Variants in PRSS55 observed in about 807,000 individuals in gnomAD.
PRSS55 encodes serine protease 55, also known as probable serine protease UNQ9391/PRO34284.
A neutral mutation model predicts 23.6 loss-of-function variants in PRSS55; 41 were observed. That is an observed-to-expected ratio of 1.74 (90% CI 1.35 to 2.26). PRSS55 has a LOEUF of 2.26. Among genes scored for constraint, PRSS55 ranks in the 30% most tolerant of loss-of-function variants. The pLI, the probability that PRSS55 is intolerant of heterozygous loss-of-function variation, is 0.00. For synonymous variants in PRSS55, 262 were observed against 175.5 expected (o/e 1.49, Z -3.90); for missense variants, 669 against 439.1 (o/e 1.52, Z -4.68).
At chr8:10,531,995 G>A (rs916014300) in intron 3 of PRSS55, among the ~76,000 whole-genome samples, 1 of 152,102 alleles carries the variant, frequency 6.6e-6, no homozygotes, top group Non-Finnish European at 1.5e-5. Flanking sequence ...CTGTTACTTG[G>A]CCAAAACAGA....
intron 4 of PRSS55, among the ~76,000 whole-genome samples, chr8:10,547,149 A>G (rs1462622637): frequency 6.6e-6 from 1 of 152,086 alleles, no homozygotes; most frequent in African/African-American, 2.4e-5. Flanking sequence ...GCTCCTATTT[A>G]TAGCTCCGCA....
intron 4 of PRSS55, among the ~76,000 whole-genome samples, chr8:10,549,809 C>A (rs1812912351): frequency 6.6e-6 from 1 of 152,210 alleles, no homozygotes; most frequent in South Asian, 2.1e-4. Context: ...CTCTAAACTG[C>A]AATTTTCTTA....
At chr8:10,548,860 C>G (rs563707001) in intron 4 of PRSS55, among the ~76,000 whole-genome samples, 18 of 152,174 alleles carry the variant, frequency 1.2e-4, no homozygotes, top group African/African-American at 4.3e-4. Context: ...GTGCTGGGGA[C>G]CTGGTGGTGG....
Position 10,529,636 on chromosome 8 carries a change from G to T in PRSS55, c.284G>T (p.Gly95Val). 6.2e-7 allele frequency: 1 copy of T among 1,614,200 alleles called. No homozygotes were observed. The highest frequency in any genetic ancestry group is 8.5e-7 in the Non-Finnish European group (1 of 1,180,034). The part of the protein sequence containing the change: ...IQARSEPFCG[G>V]SILNKWWILT... ...GCAAGAAGTGAACCTTTCTGTGGCG[G>T]CTCCATCCTCAACAAGTGGTGGATT... The change falls in exon 2 of 5, where the codon GGC becomes GTC. Residue 95 changes from glycine to valine, a missense_variant. Coordinates refer to ENST00000328655, the MANE Select transcript of PRSS55 (RefSeq NM_198464.4).
chr8:10,541,706 C>T (rs1210493726), downstream of PRSS55, among the ~76,000 whole-genome samples: 1 of 152,184 alleles, frequency 6.6e-6, no homozygotes, highest in African/African-American at 2.4e-5. Context: ...GGGGGAAGAG[C>T]TTCTGTACTG....
In PRSS55 at chr8:10,538,497, G is replaced by A. The variant is rs1812533603; in HGVS notation, c.763G>A (p.Val255Ile). 1.2e-6 allele frequency: 2 copies of A among 1,613,510 alleles called. No homozygotes were observed. The highest frequency in any genetic ancestry group is 8.5e-7 in the Non-Finnish European group (1 of 1,179,860). Reference protein sequence around the residue: ...ACKGDSGGPLVCTPEPGEKWY... With the variant: ...ACKGDSGGPLICTPEPGEKWY... ...ACAGGGTGACAGTGGGGGGCCTCTGGTCTGCACCCCAGAGCCTGGTGAGAA... is the reference window on the plus strand; with the variant it reads ...ACAGGGTGACAGTGGGGGGCCTCTGATCTGCACCCCAGAGCCTGGTGAGAA... The change falls in exon 5 of 5, where the codon GTC (valine) becomes ATC (isoleucine). Residue 255 changes from valine to isoleucine, a missense_variant. Coordinates refer to ENST00000328655, the MANE Select transcript of PRSS55 (RefSeq NM_198464.4).
At chr8:10,547,218 C>T (rs1033335413) in intron 4 of PRSS55, among the ~76,000 whole-genome samples, 1 of 152,206 alleles carries the variant, frequency 6.6e-6, no homozygotes, top group East Asian at 1.9e-4. Context: ...CAGAGTGAGC[C>T]GCCGAGGGGT....
intron 4 of PRSS55, among the ~76,000 whole-genome samples, chr8:10,552,212 A>C (rs960885083): frequency 6.6e-6 from 1 of 152,248 alleles, no homozygotes; most frequent in South Asian, 2.1e-4. Flanking sequence ...CCCGTTTCTA[A>C]CTTACTGATG....
chr8:10,553,432 G>A (rs1266379652), intron 4 of PRSS55, among the ~76,000 whole-genome samples: 1 of 152,164 alleles, frequency 6.6e-6, no homozygotes, highest in Non-Finnish European at 1.5e-5. Context: ...AAGAGAATGT[G>A]ATATATATGT....
In PRSS55 at chr8:10,532,968, G is replaced by A. The variant is rs1343924356; in HGVS notation, c.661G>A (p.Glu221Lys). 7 of 1,614,058 alleles carry A rather than the reference G, an allele frequency of 4.3e-6. 1 individual carries two copies. Among genetic ancestry groups the A allele is most frequent in the Middle Eastern group, 3.3e-4 (2 of 6,084 alleles). The part of the protein sequence containing the change: ...KAPMVIMDWE[E>K]CSKMFPKLTK... Reference sequence around the variant, plus strand: ...GCCAATGGTCATCATGGACTGGGAGGAGTGTTCAAAGATGTTTCCAAAACT... The same window carrying A: ...GCCAATGGTCATCATGGACTGGGAGAAGTGTTCAAAGATGTTTCCAAAACT... Residue 221 changes from glutamate to lysine, a missense_variant, in exon 4 of 5, where the codon GAG becomes AAG. By Grantham distance (56) the Glu-to-Lys change is moderately conservative. Coordinates refer to ENST00000328655, the MANE Select transcript of PRSS55 (RefSeq NM_198464.4).
At chr8:10,528,481 C>T (rs569596910) in intron 1 of PRSS55, among the ~76,000 whole-genome samples, 23 of 152,314 alleles carry the variant, frequency 1.5e-4, no homozygotes, top group African/African-American at 4.3e-4. Flanking sequence ...CAAATATTCA[C>T]GGAGCATCTC....
At chr8:10,534,020 G>A (rs1812367351) in intron 4 of PRSS55, among the ~76,000 whole-genome samples, 1 of 152,146 alleles carries the variant, frequency 6.6e-6, no homozygotes. Context: ...TGGCAGCATA[G>A]CACTAGGTTT....
chr8:10,543,434 TCCTTCCTTCCA>T (rs1812719475), downstream of PRSS55, among the ~76,000 whole-genome samples: 4 of 14,948 alleles, frequency 2.7e-4, no homozygotes, highest in Admixed American at 1.1e-3. Flanking sequence ...CTTCCTTCCT[TCCTTCCTTCCA>T]TCCTTCCTTC....
At position 10,531,506 on chromosome 8, in the gene PRSS55, C is replaced by T. The variant is rs138866592; in HGVS notation, c.559C>T (p.Arg187Cys). The T allele has an allele frequency of 1.2e-3, 1,942 of 1,613,840 alleles. 4 individuals carry two copies. The highest frequency in any genetic ancestry group is 1.2e-3 in the Admixed American group (73 of 60,030). Reference protein sequence around the residue: ...LPTQPGPATWRECWVAGWGQT... With the variant: ...LPTQPGPATWCECWVAGWGQT... Reference sequence around the variant, plus strand: ...CACGCAGCCCGGCCCTGCCACATGGCGCGAATGCTGGGTGGCAGGTTGGGG... The same window carrying T: ...CACGCAGCCCGGCCCTGCCACATGGTGCGAATGCTGGGTGGCAGGTTGGGG... The change falls in exon 3 of 5, where the codon CGC (arginine) becomes TGC (cysteine). Residue 187 changes from arginine (R) to cysteine (C), a missense_variant. Coordinates refer to ENST00000328655, the MANE Select transcript of PRSS55 (RefSeq NM_198464.4).
At chr8:10,534,325 A>G (rs964726482) in intron 4 of PRSS55, among the ~76,000 whole-genome samples, 2 of 152,186 alleles carry the variant, frequency 1.3e-5, no homozygotes, top group Non-Finnish European at 2.9e-5. Flanking sequence ...CTTTATAGTG[A>G]TGCAAGAACG....
intron 1 of PRSS55, among the ~76,000 whole-genome samples, chr8:10,528,772 C>A (rs751859264): frequency 2.6e-5 from 4 of 152,204 alleles, no homozygotes; most frequent in Non-Finnish European, 5.9e-5. Flanking sequence ...CCAGCAAAGG[C>A]CTTCTGGGGC....
intron 2 of PRSS55, 124 bp downstream of exon 2, chr8:10,529,823 G>A: frequency 1.0e-6 from 1 of 960,742 alleles, no homozygotes; most frequent in Non-Finnish European, 1.6e-6. Flanking sequence ...CGGCATGAAT[G>A]GCTCCCACCC....
chr8:10,541,129 T>C (rs1298422065), downstream of PRSS55: 2 of 152,336 alleles, frequency 1.3e-5, no homozygotes, highest in Admixed American at 1.3e-4. Context: ...CCAAGACTTC[T>C]GCTGGAGTTA....
rs979824097 is a variant in PRSS55 at position 10,529,861 on chromosome 8, C to T, written c.347+162C>T. ...CCACCCACCCCCCAGCCTGTGGGGA[C>T]GTGGAGGTAGCCAGCCTGAGGCTGT... is the stretch of plus-strand genomic sequence containing the variant. On this transcript the variant is annotated intron_variant, in intron 2 of 4. Transcript: ENST00000328655. Among the ~76,000 whole-genome samples, 9 of 152,320 alleles carry T rather than the reference C, an allele frequency of 5.9e-5. 2 individuals carry two copies. The Middle Eastern group carries it at 0.014, about 230-fold the overall frequency.
Sources: allele counts gnomAD v4.1 joint callset (sites outside exome capture counted in the v4.1 genomes callset), GRCh38; gene constraint gnomAD v4.1.1; transcripts MANE v1.5; gene names NCBI Gene and HGNC (gene_info 2026-07-23, HGNC 2026-07-21).